PRDM5: variants seen among roughly 807,000 people sequenced by gnomAD.
PRDM5 encodes the protein PR/SET domain 5.
A neutral mutation model predicts 81.2 loss-of-function variants in PRDM5; 56 were observed. The observed-to-expected ratio is 0.69, with a 90% CI of 0.56 to 0.86. The LOEUF is 0.86. Among genes scored for constraint, PRDM5 ranks in the 40% least tolerant of loss-of-function variants. The probability of loss-of-function intolerance (pLI) is 0.00; values close to 1 mark genes in which losing one functional copy is unlikely to be tolerated. For missense variants in PRDM5, 697 were observed against 770.1 expected (o/e 0.91, Z 1.12); for synonymous variants, 267 against 256.4 (o/e 1.04, Z -0.39).
intron 10 of PRDM5, among the ~76,000 whole-genome samples, chr4:120,794,646 C>T (rs112167205): frequency 0.064 from 9,361 of 146,826 alleles, 561 homozygotes; most frequent in African/African-American, 0.16. Flanking sequence ...TTTTTTAAGA[C>T]GGAGTTTCGC....
chr4:120,863,031 T>C (rs1214670656), intron 2 of PRDM5, among the ~76,000 whole-genome samples: 1 of 151,010 alleles, frequency 6.6e-6, no homozygotes, highest in Non-Finnish European at 1.5e-5. Flanking sequence ...TGGTAGCACA[T>C]GCCTATAAAC....
At chr4:120,701,550 G>A (rs1337646025) in intron 15 of PRDM5, among the ~76,000 whole-genome samples, 2 of 152,124 alleles carry the variant, frequency 1.3e-5, no homozygotes, top group Non-Finnish European at 2.9e-5. Context: ...TGCAGCTGGG[G>A]GCCACTATCC....
chr4:120,918,702 G>C (rs1311698195), intron 1 of PRDM5, among the ~76,000 whole-genome samples: 3 of 139,676 alleles, frequency 2.1e-5, no homozygotes, highest in African/African-American at 8.1e-5. Flanking sequence ...AAATCCCTCA[G>C]TGAGAATCAA....
intron 1 of PRDM5, among the ~76,000 whole-genome samples, chr4:120,911,236 T>C (rs1441360024): frequency 6.6e-6 from 1 of 152,246 alleles, no homozygotes; most frequent in Non-Finnish European, 1.5e-5. Flanking sequence ...TGTTGCCAGA[T>C]ATATACATGA....
chr4:120,788,231 T>G (rs1186050883), intron 10 of PRDM5, among the ~76,000 whole-genome samples: 1 of 152,176 alleles, frequency 6.6e-6, no homozygotes, highest in East Asian at 1.9e-4. Context: ...TTAACTAAAC[T>G]GTAGTAGATA....
chr4:120,908,008 G>A (rs1305721270), intron 1 of PRDM5, among the ~76,000 whole-genome samples: 2 of 152,204 alleles, frequency 1.3e-5, no homozygotes, highest in Non-Finnish European at 1.5e-5. Context: ...CTCAGAGGAA[G>A]AGTGTTCATA....
chr4:120,805,503 A>G (rs996522655), intron 8 of PRDM5, among the ~76,000 whole-genome samples: 1 of 152,228 alleles, frequency 6.6e-6, no homozygotes, highest in African/African-American at 2.4e-5. Flanking sequence ...CTTATCCACC[A>G]TGATCAAGTG....
In PRDM5 at chr4:120,853,630, A is replaced by C. The variant is rs1290485789; in HGVS notation, c.178-90T>G. On this transcript the variant is annotated intron_variant, in intron 2 of 15. Coordinates refer to ENST00000264808, the MANE Select transcript of PRDM5 (RefSeq NM_018699.4). ...GGTTAGGACATGACGTTTTTTCATA[A>C]GTATATACCTTTTTTATTGATGGGT... 1.3e-6 allele frequency: 2 copies of C among 1,518,306 alleles called. 1 individual carries two copies. The highest frequency in any genetic ancestry group is 2.8e-5 in the African/African-American group (2 of 72,612). The allele number at this position is 1,518,306 out of a possible 1,614,324, so 94.1% of individuals were successfully genotyped here. A position where few individuals can be genotyped will look rare whatever the true frequency, so the allele number is the denominator to read the frequency against.
intron 3 of PRDM5, among the ~76,000 whole-genome samples, chr4:120,835,333 C>T (rs961415744): frequency 6.6e-6 from 1 of 152,020 alleles, no homozygotes; most frequent in Non-Finnish European, 1.5e-5. Flanking sequence ...ATAGGAGAAA[C>T]CTAGTAAAGA....
At chr4:120,704,859 A>G (rs1186313748) in intron 15 of PRDM5, among the ~76,000 whole-genome samples, 1 of 152,194 alleles carries the variant, frequency 6.6e-6, no homozygotes, top group Non-Finnish European at 1.5e-5. Context: ...AGATAGTTAC[A>G]GGTACTGTGA....
intron 2 of PRDM5, among the ~76,000 whole-genome samples, chr4:120,864,806 C>A (rs563701814): frequency 7.2e-5 from 11 of 152,160 alleles, no homozygotes; most frequent in Non-Finnish European, 1.3e-4. Flanking sequence ...GCTCTTATGT[C>A]CTAACAATTA....
At chr4:120,817,513 A>G (rs1188671212) in intron 5 of PRDM5, among the ~76,000 whole-genome samples, 1 of 130,234 alleles carries the variant, frequency 7.7e-6, no homozygotes, top group African/African-American at 3.0e-5. Flanking sequence ...ATGGGAGCAC[A>G]TAAGAGAAGA....
At chr4:120,891,378 G>C (rs547255764) in intron 2 of PRDM5, among the ~76,000 whole-genome samples, 3 of 152,158 alleles carry the variant, frequency 2.0e-5, no homozygotes, top group African/African-American at 7.2e-5. Context: ...TGGTGGTAAT[G>C]TCTCCTTTGT....
chr4:120,845,446 A>T (rs1382053398), intron 3 of PRDM5, among the ~76,000 whole-genome samples: 2 of 152,318 alleles, frequency 1.3e-5, no homozygotes, highest in African/African-American at 4.8e-5. Flanking sequence ...AATTGTGCTA[A>T]ATCTACTCTG....
chr4:120,914,730 A>G (rs2148705452), intron 1 of PRDM5, among the ~76,000 whole-genome samples: 1 of 152,356 alleles, frequency 6.6e-6, no homozygotes, highest in African/African-American at 2.4e-5. Flanking sequence ...CCCAATTCAC[A>G]ATCATAAAGA....
At chr4:120,803,208 G>A (rs1338792516) in intron 8 of PRDM5, among the ~76,000 whole-genome samples, 1 of 152,162 alleles carries the variant, frequency 6.6e-6, no homozygotes, top group Non-Finnish European at 1.5e-5. Context: ...GGGACTACAT[G>A]AAAAGACAAA....
chr4:120,918,505 C>T (rs550982457), intron 1 of PRDM5, among the ~76,000 whole-genome samples: 1 of 152,272 alleles, frequency 6.6e-6, no homozygotes, highest in East Asian at 1.9e-4. Context: ...TTTTCCTCTA[C>T]AGGCTTTTAT....
At chr4:120,773,760 C>T (rs1000182678) in intron 13 of PRDM5, among the ~76,000 whole-genome samples, 1 of 152,088 alleles carries the variant, frequency 6.6e-6, no homozygotes, top group African/African-American at 2.4e-5. Flanking sequence ...AATACTTTCC[C>T]CTTCTAACTA....
chr4:120,777,867 C>T (rs1748415079), intron 12 of PRDM5, among the ~76,000 whole-genome samples: 1 of 152,164 alleles, frequency 6.6e-6, no homozygotes, highest in Admixed American at 6.6e-5. Flanking sequence ...CATAAACAAT[C>T]ACATGAGGAA....
Sources: gnomAD v4.1 joint callset for allele counts (sites outside exome capture counted in the v4.1 genomes callset) on GRCh38, gnomAD v4.1.1 for gene constraint, MANE v1.5 for transcripts, NCBI Gene and HGNC (gene_info 2026-07-23, HGNC 2026-07-21) for gene names.